Variants in ASIP observed in about 807,000 individuals in gnomAD.
The protein encoded by ASIP is agouti-signaling protein.
ASIP carries 11 observed loss-of-function variants against 10.3 expected under a neutral mutation model. That is an observed-to-expected ratio of 1.07 (90% CI 0.68 to 1.78). ASIP has a LOEUF of 1.78. Ranked by LOEUF, ASIP falls within the 40% of genes most tolerant of loss-of-function variation. ASIP has a pLI of 0.00. For synonymous variants in ASIP, 70 were observed against 70.8 expected, an observed-to-expected ratio of 0.99 and a Z score of 0.06; for missense variants, 180 against 169.2, an observed-to-expected ratio of 1.06 and a Z score of -0.35.
At chr20:34,239,846 C>T (rs1032086846), upstream of ASIP, among the ~76,000 whole-genome samples, 7 of 152,212 alleles carry the variant, frequency 4.6e-5, no homozygotes, top group East Asian at 1.9e-4. Flanking sequence ...ACCACGAAAA[C>T]AGACAATGTT....
chr20:34,246,434 C>G, intron 1 of ASIP: 1 of 1,381,684 alleles, frequency 7.2e-7, no homozygotes, highest in East Asian at 2.3e-5. Flanking sequence ...TGGTAATGAA[C>G]AGACTCCACA....
rs749841638 is a variant in ASIP, at chr20:34,268,945, G to C, written c.223-46G>C. 20 of 1,560,464 alleles carry C rather than the reference G, an allele frequency of 1.3e-5. 1 individual carries two copies. Among genetic ancestry groups the C allele is most frequent in the Middle Eastern group, 1.7e-4 (1 of 5,834 alleles). On this transcript the variant is annotated intron_variant, in intron 3 of 3. Transcript: ENST00000374954. ...CTCCCAGGCAGAGGTGAGGACCGGA[G>C]GGGTGGGCGTGGCCGGCTCATAAAG...
At chr20:34,261,523 A>G (rs2035691424) in intron 2 of ASIP, among the ~76,000 whole-genome samples, 1 of 152,168 alleles carries the variant, frequency 6.6e-6, no homozygotes, top group Non-Finnish European at 1.5e-5. Context: ...AGTCCTAGCT[A>G]CTTGGGAGGC....
At chr20:34,207,999 G>T (rs1251687588) in intron 1 of ASIP, among the ~76,000 whole-genome samples, 1 of 151,772 alleles carries the variant, frequency 6.6e-6, no homozygotes, top group African/African-American at 2.4e-5. Flanking sequence ...CCATGGTCTC[G>T]CTCTCCTGAC....
At chr20:34,262,025 A>G (rs1033084639) in intron 2 of ASIP, among the ~76,000 whole-genome samples, 62 of 152,028 alleles carry the variant, frequency 4.1e-4, no homozygotes, top group Non-Finnish European at 1.0e-4. Flanking sequence ...AGACAGGAAA[A>G]TCACTTGAAC....
chr20:34,213,402 A>G, intron 1 of ASIP: 1 of 711,174 alleles, frequency 1.4e-6, no homozygotes, highest in South Asian at 1.9e-5. Flanking sequence ...GAGTGTTGCT[A>G]TAACCAACAC....
chr20:34,235,853 G>A lies in ASIP; in HGVS notation c.-10-24512G>A, dbSNP rs1568756108. 1.1e-4 allele frequency among the ~76,000 whole-genome samples: 5 copies of A among 46,016 alleles called. No homozygotes were observed. The African/African-American group carries it at 1.6e-3, about 14-fold the overall frequency. The allele number at this position is 46,016 out of a possible 152,430, so 30.2% of individuals were successfully genotyped here. A position where few individuals can be genotyped will look rare whatever the true frequency, so the allele number is the denominator to read the frequency against. On this transcript the variant is annotated intron_variant, in intron 1 of 3. Coordinates refer to the ASIP transcript ENST00000568305. Reference sequence around the variant, plus strand: ...AGAAAGAAAGAAAGAAGGAAGGAAGGAAGGAAGGAAGGAAAGGAAGGAAGG... The same window carrying A: ...AGAAAGAAAGAAAGAAGGAAGGAAGAAAGGAAGGAAGGAAAGGAAGGAAGG...
chr20:34,249,598 C>G (rs1220298234), intron 1 of ASIP, among the ~76,000 whole-genome samples: 1 of 152,108 alleles, frequency 6.6e-6, no homozygotes, highest in Non-Finnish European at 1.5e-5. Flanking sequence ...TGGTTTAATG[C>G]TCTCCTGTCA....
At chr20:34,237,679 A>G (rs868027739), upstream of ASIP, among the ~76,000 whole-genome samples, 1 of 152,142 alleles carries the variant, frequency 6.6e-6, no homozygotes, top group Non-Finnish European at 1.5e-5. Context: ...TAGAACTTCC[A>G]GTACTATTTT....
chr20:34,236,419 CTG>C (rs2035211748), intron 1 of ASIP, among the ~76,000 whole-genome samples: 2 of 152,218 alleles, frequency 1.3e-5, no homozygotes, highest in South Asian at 4.2e-4. Context: ...TGGTGCGTGT[CTG>C]TAATCCCAGC....
chr20:34,215,172 C>T, intron 1 of ASIP: 2 of 1,599,660 alleles, frequency 1.3e-6, no homozygotes, highest in South Asian at 1.1e-5. Flanking sequence ...ATGCTTCTTC[C>T]CGTAGAACTT....
chr20:34,260,790 G>A (rs1230532966), intron 2 of ASIP, among the ~76,000 whole-genome samples: 1 of 152,214 alleles, frequency 6.6e-6, no homozygotes, highest in Non-Finnish European at 1.5e-5. Context: ...GGTGAACTTT[G>A]TTTAATTTAG....
chr20:34,264,789 A>ATTTTTTTTTT (rs34382186), intron 3 of ASIP, among the ~76,000 whole-genome samples: 2 of 104,220 alleles, frequency 1.9e-5, no homozygotes, highest in Middle Eastern at 6.2e-3. Flanking sequence ...AGTTTACTTC[A>ATTTTTTTTTT]TTTTTTTTTT....
intron 1 of ASIP, among the ~76,000 whole-genome samples, chr20:34,258,866 T>C (rs1318612602): frequency 7.9e-6 from 1 of 126,162 alleles, no homozygotes; most frequent in Non-Finnish European, 1.6e-5. Context: ...ATATGATATA[T>C]ATAATACTAT....
At position 34,260,397 on chromosome 20, in the gene ASIP, T is replaced by G. The variant is rs1208319647; in HGVS notation, c.23T>G (p.Leu8Arg). Residue 8 changes from leucine to arginine, a missense_variant, in exon 2 of 4, where the codon CTG becomes CGG. Physicochemically the swap from Leu to Arg is moderately radical, Grantham distance 102. Transcript: ENST00000374954. ...GGGATGGATGTCACCCGCTTACTCCTGGCCACCCTGCTGGTCTTCCTCTGC... is the reference window on the plus strand; with the variant it reads ...GGGATGGATGTCACCCGCTTACTCCGGGCCACCCTGCTGGTCTTCCTCTGC... MDVTRLL[L>R]ATLLVFLCFF... The G allele has an allele frequency of 6.2e-7, 1 of 1,613,922 alleles. No homozygotes were observed. Among genetic ancestry groups the G allele is most frequent in the Non-Finnish European group, 8.5e-7 (1 of 1,179,944 alleles).
chr20:34,201,024 CTT>C (rs1568744496), intron 1 of ASIP, among the ~76,000 whole-genome samples: 1 of 82,532 alleles, frequency 1.2e-5, no homozygotes. Flanking sequence ...TTCCTTCTTT[CTT>C]TCTTTCTTTC....
chr20:34,210,294 C>G (rs2034965963), intron 1 of ASIP, among the ~76,000 whole-genome samples: 1 of 152,238 alleles, frequency 6.6e-6, no homozygotes, highest in Non-Finnish European at 1.5e-5. Context: ...TTCCCTGAGC[C>G]AGGGCTATGA....
intron 1 of ASIP, among the ~76,000 whole-genome samples, chr20:34,219,781 A>G (rs1455250403): frequency 1.3e-5 from 2 of 152,226 alleles, no homozygotes; most frequent in Non-Finnish European, 2.9e-5. Context: ...GGAACCCAGA[A>G]TATAAAGATA....
chr20:34,239,963 G>C (rs193274540), upstream of ASIP, among the ~76,000 whole-genome samples: 1 of 152,144 alleles, frequency 6.6e-6, no homozygotes, highest in African/African-American at 2.4e-5. Context: ...AAAACATAGC[G>C]ATGAATCTCT....
Sources: gnomAD v4.1 joint callset for allele counts (sites outside exome capture counted in the v4.1 genomes callset) on GRCh38, gnomAD v4.1.1 for gene constraint, MANE v1.5 for transcripts, NCBI Gene and HGNC (gene_info 2026-07-23, HGNC 2026-07-21) for gene names.